RASSF8: variants seen among roughly 807,000 people sequenced by gnomAD.
RASSF8 encodes Ras association domain family member 8, also known as ras association domain-containing protein 8.
RASSF8 carries 22 observed loss-of-function variants against 48.5 expected under a neutral mutation model. The ratio of observed to expected loss-of-function variants is 0.45; its 90% CI spans 0.32 to 0.65. The LOEUF (loss-of-function observed/expected upper bound fraction) is 0.65, where lower values mean the gene tolerates loss of function less well. Ranked by LOEUF, RASSF8 falls within the 30% of genes least tolerant of loss-of-function variation. The probability of loss-of-function intolerance (pLI) is 0.03; values close to 1 mark genes in which losing one functional copy is unlikely to be tolerated. For missense variants in RASSF8, 418 were observed against 489.2 expected (o/e 0.85, Z 1.37); for synonymous variants, 127 against 171.5 (o/e 0.74, Z 2.03).
intron 2 of RASSF8, chr12:26,021,607 A>G (rs193249142): frequency 6.6e-6 from 1 of 152,420 alleles, no homozygotes; most frequent in Non-Finnish European, 1.5e-5. Flanking sequence ...TGGCAAGCCT[A>G]GAATACTGGG....
intron 2 of RASSF8, among the ~76,000 whole-genome samples, chr12:26,029,779 A>C (rs1305759626): frequency 6.6e-6 from 1 of 152,180 alleles, no homozygotes; most frequent in South Asian, 2.1e-4. Context: ...CCACTGGTTA[A>C]AGGAAAAAAA....
rs115871338 is a variant in RASSF8 at position 26,071,987 on chromosome 12, C to T, written c.*3169C>T. On this transcript the variant is annotated 3_prime_UTR_variant, in exon 6 of 6. Coordinates refer to ENST00000689635, the MANE Select transcript of RASSF8 (RefSeq NM_001394098.1). ...GAGAAACAGACTGTTCATTTGAAGCCATTTCTGTAAACATCTTCCAAGATA... is the reference window on the plus strand; with the variant it reads ...GAGAAACAGACTGTTCATTTGAAGCTATTTCTGTAAACATCTTCCAAGATA... The T allele has an allele frequency of 5.6e-4, 552 of 985,308 alleles. 4 individuals carry two copies. The African/African-American group carries it at 9.3e-3, about 17-fold the overall frequency. The allele number at this position is 985,308 out of a possible 1,614,324, so 61.0% of individuals were successfully genotyped here. A position where few individuals can be genotyped will look rare whatever the true frequency, so the allele number is the denominator to read the frequency against.
intron 1 of RASSF8, among the ~76,000 whole-genome samples, chr12:25,983,242 C>CAA (rs61155012): frequency 1.1e-4 from 16 of 151,254 alleles, no homozygotes; most frequent in Admixed American, 2.0e-4. Flanking sequence ...ATAAAAATGA[C>CAA]AAAAAAAATC....
At chr12:26,029,723 G>T (rs940206133) in intron 2 of RASSF8, among the ~76,000 whole-genome samples, 1 of 151,816 alleles carries the variant, frequency 6.6e-6, no homozygotes, top group African/African-American at 2.4e-5. Flanking sequence ...CTTCTCTGTT[G>T]GTTTAAATGT....
At chr12:26,008,370 G>A (rs570522567) in intron 2 of RASSF8, among the ~76,000 whole-genome samples, 44 of 152,276 alleles carry the variant, frequency 2.9e-4, no homozygotes, top group Middle Eastern at 3.4e-3. Flanking sequence ...ATCCCCTTTA[G>A]CATGTTCTCC....
intron 2 of RASSF8, among the ~76,000 whole-genome samples, chr12:26,014,368 A>G (rs1320287933): frequency 1.3e-5 from 2 of 152,178 alleles, no homozygotes; most frequent in Non-Finnish European, 2.9e-5. Flanking sequence ...GATAAAACGT[A>G]TGTGCTATCC....
chr12:25,966,414 T>A (rs1168669076), intron 1 of RASSF8, among the ~76,000 whole-genome samples: 1 of 152,172 alleles, frequency 6.6e-6, no homozygotes, highest in East Asian at 1.9e-4. Flanking sequence ...CTTGCTATGT[T>A]GCCCAGGCTG....
At chr12:25,974,429 G>A (rs989256679) in intron 1 of RASSF8, among the ~76,000 whole-genome samples, 1 of 151,976 alleles carries the variant, frequency 6.6e-6, no homozygotes, top group African/African-American at 2.4e-5. Context: ...TATCCTACAA[G>A]GGATGGCTAG....
intron 2 of RASSF8, among the ~76,000 whole-genome samples, chr12:26,037,121 G>A (rs910105941): frequency 3.3e-5 from 5 of 152,112 alleles, no homozygotes; most frequent in African/African-American, 1.2e-4. Flanking sequence ...TATAAAAGCC[G>A]TAAAGATTAA....
intron 3 of RASSF8, among the ~76,000 whole-genome samples, chr12:26,058,428 C>T (rs1159068190): frequency 6.6e-6 from 1 of 152,210 alleles, no homozygotes; most frequent in Admixed American, 6.5e-5. Flanking sequence ...TGACCAGAAC[C>T]ACAGGTGGCT....
intron 2 of RASSF8, among the ~76,000 whole-genome samples, chr12:26,054,520 C>T (rs1943559809): frequency 6.6e-6 from 1 of 152,104 alleles, no homozygotes; most frequent in East Asian, 1.9e-4. Flanking sequence ...AACTGTTGGT[C>T]GTCAAAGGAA....
intron 1 of RASSF8, among the ~76,000 whole-genome samples, chr12:25,975,583 G>C (rs1203407464): frequency 6.6e-6 from 1 of 152,228 alleles, no homozygotes; most frequent in African/African-American, 2.4e-5. Context: ...TGTGAATTAA[G>C]TTAAAGGAAC....
chr12:26,050,204 C>G (rs1000218681), intron 2 of RASSF8, among the ~76,000 whole-genome samples: 2 of 152,112 alleles, frequency 1.3e-5, no homozygotes, highest in Non-Finnish European at 2.9e-5. Context: ...TTTCTAATAT[C>G]TGCTTACAAT....
At chr12:25,990,474 A>G (rs1941989319) in intron 1 of RASSF8, among the ~76,000 whole-genome samples, 1 of 152,198 alleles carries the variant, frequency 6.6e-6, no homozygotes. Flanking sequence ...TAAATAATTA[A>G]TTTTGGTATT....
At chr12:26,076,117 G>A (rs1944069784), downstream of RASSF8, among the ~76,000 whole-genome samples, 1 of 151,938 alleles carries the variant, frequency 6.6e-6, no homozygotes, top group Admixed American at 6.6e-5. Context: ...GTATTTGGGG[G>A]GCATCTATGA....
At chr12:26,064,065 A>G (rs1591816355) in intron 3 of RASSF8, among the ~76,000 whole-genome samples, 1 of 152,178 alleles carries the variant, frequency 6.6e-6, no homozygotes, top group African/African-American at 2.4e-5. Context: ...AGGGATTTCC[A>G]CAGTGGAAAT....
chr12:26,079,001 T>C (rs1222007250), intron 5 of RASSF8: 1 of 1,531,384 alleles, frequency 6.5e-7, no homozygotes, highest in Admixed American at 2.1e-5. Flanking sequence ...TAACTCTTTT[T>C]TGTTGTTGTG....
chr12:25,967,643 G>T (rs706524), intron 1 of RASSF8, among the ~76,000 whole-genome samples: 12,756 of 152,184 alleles, frequency 0.084, 875 homozygotes, highest in East Asian at 0.27. Context: ...TTCACTCTGG[G>T]TTGTTTTGAA....
chr12:25,993,237 A>C (rs1232115910), intron 1 of RASSF8, among the ~76,000 whole-genome samples: 2 of 152,226 alleles, frequency 1.3e-5, no homozygotes, highest in Non-Finnish European at 2.9e-5. Flanking sequence ...CTCTGCATAT[A>C]TGTTAGTGTC....
Sources: gnomAD v4.1 joint callset for allele counts (sites outside exome capture counted in the v4.1 genomes callset) on GRCh38, gnomAD v4.1.1 for gene constraint, MANE v1.5 for transcripts, NCBI Gene and HGNC (gene_info 2026-07-23, HGNC 2026-07-21) for gene names.